Variants in PCDH15 observed in about 807,000 individuals in gnomAD.
PCDH15 encodes the protein protocadherin-15.
A neutral mutation model predicts 178.5 loss-of-function variants in PCDH15; 129 were observed. That is an observed-to-expected ratio of 0.72 (90% CI 0.63 to 0.84). The LOEUF is 0.84. Among genes scored for constraint, PCDH15 ranks in the 40% least tolerant of loss-of-function variants. The pLI is 0.00. For missense variants in PCDH15, 2,230 were observed against 2,099.9 expected, an observed-to-expected ratio of 1.06 and a Z score of -1.21; for synonymous variants, 800 against 732.0, an observed-to-expected ratio of 1.09 and a Z score of -1.50.
At chr10:54,220,780 G>C (rs1043352195) in intron 9 of PCDH15, among the ~76,000 whole-genome samples, 5 of 151,558 alleles carry the variant, frequency 3.3e-5, no homozygotes, top group African/African-American at 4.9e-5. Flanking sequence ...AGCCGAGATC[G>C]CGCCACTGCA....
At chr10:54,602,451 A>G (rs1337931013) in intron 2 of PCDH15, among the ~76,000 whole-genome samples, 1 of 151,938 alleles carries the variant, frequency 6.6e-6, no homozygotes, top group Non-Finnish European at 1.5e-5. Context: ...AGATAATATT[A>G]CTGTTTCTTG....
intron 2 of PCDH15, among the ~76,000 whole-genome samples, chr10:55,158,658 G>A (rs1433411013): frequency 6.7e-6 from 1 of 149,100 alleles, no homozygotes; most frequent in Admixed American, 6.8e-5. Context: ...CATTAAAGAA[G>A]TGGTACCTAG....
chr10:55,377,571 A>G (rs1837428879), intron 2 of PCDH15, among the ~76,000 whole-genome samples: 1 of 152,076 alleles, frequency 6.6e-6, no homozygotes, highest in Non-Finnish European at 1.5e-5. Flanking sequence ...ATATGTTTCA[A>G]GTTCTCATAA....
intron 2 of PCDH15, among the ~76,000 whole-genome samples, chr10:55,121,553 G>A (rs1042971043): frequency 6.6e-6 from 1 of 152,136 alleles, no homozygotes; most frequent in African/African-American, 2.4e-5. Context: ...GACCATCATG[G>A]TTTGAATATA....
At chr10:55,127,012 CA>C (rs1283327093) in intron 2 of PCDH15, among the ~76,000 whole-genome samples, 7 of 151,918 alleles carry the variant, frequency 4.6e-5, no homozygotes, top group African/African-American at 1.7e-4. Context: ...CCCCCCACCC[CA>C]CACACAAAAA....
chr10:53,899,215 T>TA (rs2082165676), intron 26 of PCDH15, among the ~76,000 whole-genome samples: 1 of 151,774 alleles, frequency 6.6e-6, no homozygotes, highest in African/African-American at 2.4e-5. Context: ...GTTGCTTCCA[T>TA]ATTTTCAGTA....
At chr10:54,502,189 T>G (rs549166311) in intron 3 of PCDH15, among the ~76,000 whole-genome samples, 1 of 152,246 alleles carries the variant, frequency 6.6e-6, no homozygotes, top group East Asian at 1.9e-4. Flanking sequence ...TTTCCTCACT[T>G]GTAAAATGAG....
At chr10:55,536,074 G>A (rs936604980) in intron 2 of PCDH15, among the ~76,000 whole-genome samples, 5 of 151,884 alleles carry the variant, frequency 3.3e-5, no homozygotes, top group Non-Finnish European at 5.9e-5. Context: ...ATACTAAAAA[G>A]GCTATATCAC....
At position 54,369,293 on chromosome 10, in the gene PCDH15, C is replaced by T. The variant is rs761263266; in HGVS notation, c.319-18G>A. On this transcript the variant is annotated intron_variant, in intron 4 of 37. Coordinates refer to ENST00000644397, the MANE Select transcript of PCDH15 (RefSeq NM_001384140.1). ...ATCGGTGGCTGCAATGTAGAAATTGCATCTTTTAAAATACTAATTAAAAAC... is the reference window on the plus strand; with the variant it reads ...ATCGGTGGCTGCAATGTAGAAATTGTATCTTTTAAAATACTAATTAAAAAC... 34 of 1,610,420 alleles carry T rather than the reference C, an allele frequency of 2.1e-5. No individual in the cohort carries two copies. Among genetic ancestry groups the T allele is most frequent in the Non-Finnish European group, 2.8e-5 (33 of 1,178,106 alleles).
At chr10:55,472,769 C>T (rs11004880) in intron 2 of PCDH15, among the ~76,000 whole-genome samples, 33,156 of 152,030 alleles carry the variant, frequency 0.22, 3,687 homozygotes, top group Middle Eastern at 0.29. Flanking sequence ...GGGGTTTCAC[C>T]GTGTTAGCCA....
At chr10:55,523,369 T>C (rs555597610) in intron 2 of PCDH15, among the ~76,000 whole-genome samples, 2 of 151,740 alleles carry the variant, frequency 1.3e-5, no homozygotes, top group African/African-American at 4.8e-5. Flanking sequence ...AAATTAATAA[T>C]ATCTTTATGT....
chr10:55,498,535 G>A (rs972976014), intron 2 of PCDH15, among the ~76,000 whole-genome samples: 1 of 151,842 alleles, frequency 6.6e-6, no homozygotes, highest in Non-Finnish European at 1.5e-5. Flanking sequence ...CTCCTGAAGT[G>A]ACAAATGAAT....
intron 1 of PCDH15, among the ~76,000 whole-genome samples, chr10:54,681,941 C>T (rs1381901800): frequency 6.6e-6 from 1 of 152,090 alleles, no homozygotes; most frequent in African/African-American, 2.4e-5. Flanking sequence ...GGTAATTAAC[C>T]AGAGAGAAGG....
At chr10:54,193,818 C>A (rs2049285255) in intron 11 of PCDH15, among the ~76,000 whole-genome samples, 1 of 151,942 alleles carries the variant, frequency 6.6e-6, no homozygotes, top group Admixed American at 6.6e-5. Flanking sequence ...TTTCCATAAA[C>A]CTTGGCTTAA....
Position 55,161,435 on chromosome 10 carries a change from A to G in PCDH15, c.-80+5141T>C, listed in dbSNP as rs191238120. On this transcript the variant is annotated intron_variant, in intron 2 of 5. Coordinates refer to the PCDH15 transcript ENST00000458638. ...AAATCCAGCCCAGTGGGCTGATTTGATAAAGTTTTATTGGAACCCAGCCAC... is the reference window on the plus strand; with the variant it reads ...AAATCCAGCCCAGTGGGCTGATTTGGTAAAGTTTTATTGGAACCCAGCCAC... Among the ~76,000 whole-genome samples, 196 of 152,186 alleles carry G rather than the reference A, an allele frequency of 1.3e-3. 1 individual carries two copies. The highest frequency in any genetic ancestry group is 0.01 in the Middle Eastern group (3 of 294).
intron 2 of PCDH15, among the ~76,000 whole-genome samples, chr10:55,475,940 A>G (rs1044995285): frequency 2.0e-5 from 3 of 152,078 alleles, no homozygotes; most frequent in African/African-American, 7.2e-5. Context: ...CAAACTGGCA[A>G]TCAACTGCCA....
intron 24 of PCDH15, 103 bp downstream of exon 24, chr10:53,940,763 T>C (rs2085987889): frequency 1.1e-6 from 1 of 872,984 alleles, no homozygotes; most frequent in Non-Finnish European, 1.9e-6. Flanking sequence ...CACAATTTTA[T>C]TAGAAAACAA....
chr10:53,960,373 G>A (rs906627756), intron 22 of PCDH15, among the ~76,000 whole-genome samples: 1 of 152,114 alleles, frequency 6.6e-6, no homozygotes, highest in Non-Finnish European at 1.5e-5. Flanking sequence ...AATCTTTATA[G>A]TTTAACACTC....
chr10:55,190,833 A>G (rs1839927801), intron 1 of PCDH15, among the ~76,000 whole-genome samples: 1 of 151,734 alleles, frequency 6.6e-6, no homozygotes, highest in Admixed American at 6.6e-5. Flanking sequence ...AAGATTTGAC[A>G]TGGTAGATAT....
Sources: gnomAD v4.1 joint callset for allele counts (sites outside exome capture counted in the v4.1 genomes callset) on GRCh38, gnomAD v4.1.1 for gene constraint, MANE v1.5 for transcripts, NCBI Gene and HGNC (gene_info 2026-07-23, HGNC 2026-07-21) for gene names.